The following FRY variants were observed in gnomAD, a reference collection of about 807,000 sequenced individuals.
FRY encodes the protein protein furry homolog.
A neutral mutation model predicts 348.4 loss-of-function variants in FRY; 128 were observed. The ratio of observed to expected loss-of-function variants is 0.37; its 90% CI spans 0.32 to 0.43. FRY has a LOEUF of 0.43. Among genes scored for constraint, FRY ranks in the 20% least tolerant of loss-of-function variants. The pLI is 1.00. For missense variants in FRY, 2,736 were observed against 3,695.2 expected, an observed-to-expected ratio of 0.74 and a Z score of 6.73; for synonymous variants, 1,370 against 1,374.7, an observed-to-expected ratio of 1.00 and a Z score of 0.08.
At position 32,208,998 on chromosome 13, in the gene FRY, C is replaced by A. The variant is rs774456387; in HGVS notation, c.4164C>A (p.Val1388=). The A allele has an allele frequency of 1.4e-5, 23 of 1,614,036 alleles. No homozygotes were observed. The East Asian group carries it at 4.9e-4, about 34-fold the overall frequency. ...GSSPSSPEDE[V]KDREGDVTAS... ...GCCCCAGCAGCCCAGAGGACGAAGT[C>A]AAGGACCGGGAAGGTGACGTGACTG... Residue 1388 remains valine, a synonymous_variant, in exon 32 of 61, where the codon GTC becomes GTA. Transcript: ENST00000542859.
At chr13:32,225,311 G>A (rs1180581210) in intron 38 of FRY, among the ~76,000 whole-genome samples, 1 of 152,208 alleles carries the variant, frequency 6.6e-6, no homozygotes, top group Non-Finnish European at 1.5e-5. Flanking sequence ...CTTTTTGAGA[G>A]TCTTCGGCTG....
In FRY at chr13:32,178,328, G is replaced by T. The variant is rs1593701671; in HGVS notation, c.2573G>T (p.Ser858Ile). 17 of 1,614,062 alleles carry T rather than the reference G, an allele frequency of 1.1e-5. No individual in the cohort carries two copies. Among genetic ancestry groups the T allele is most frequent in the Non-Finnish European group, 1.4e-5 (16 of 1,180,044 alleles). Residue 858 changes from serine to isoleucine, a missense_variant, in exon 21 of 61, where the codon AGC becomes ATC. By Grantham distance (142) the Ser-to-Ile change is moderately radical. Transcript: ENST00000542859. Reference sequence around the variant, plus strand: ...GACCCCTGGGTCCTCTGCCTCTTCAGCTTCCTCCGGCAGGAGAACTTACCC... The same window carrying T: ...GACCCCTGGGTCCTCTGCCTCTTCATCTTCCTCCGGCAGGAGAACTTACCC... Reference protein sequence around the residue: ...VKDPWVLCLFSFLRQENLPKH... With the variant: ...VKDPWVLCLFIFLRQENLPKH...
intron 36 of FRY, among the ~76,000 whole-genome samples, chr13:32,223,413 T>C (rs1006753822): frequency 4.6e-5 from 7 of 152,220 alleles, no homozygotes; most frequent in Non-Finnish European, 8.8e-5. Flanking sequence ...GTAATAACTA[T>C]GCAAGTAGTT....
chr13:32,062,904 C>G (rs914526601), intron 1 of FRY, among the ~76,000 whole-genome samples: 23 of 149,042 alleles, frequency 1.5e-4, no homozygotes, highest in African/African-American at 5.6e-4. Flanking sequence ...TTTTATAATG[C>G]ATATATAATG....
intron 36 of FRY, among the ~76,000 whole-genome samples, chr13:32,223,903 G>C (rs1885446223): frequency 2.0e-5 from 3 of 151,962 alleles, no homozygotes; most frequent in Admixed American, 2.0e-4. Context: ...TATTTTGTGT[G>C]TGTGTGTATT....
intron 2 of FRY, among the ~76,000 whole-genome samples, chr13:32,087,068 C>T (rs1689764420): frequency 6.6e-6 from 1 of 152,168 alleles, no homozygotes; most frequent in South Asian, 2.1e-4. Flanking sequence ...AGAACATGAT[C>T]TAGCTGGTTT....
chr13:32,197,939 T>C (rs1199953145), intron 29 of FRY, among the ~76,000 whole-genome samples: 1 of 152,232 alleles, frequency 6.6e-6, no homozygotes, highest in Non-Finnish European at 1.5e-5. Context: ...CAGCTGTCTT[T>C]ATCTTTTACC....
At chr13:32,207,027 A>G (rs1392334397) in intron 31 of FRY, among the ~76,000 whole-genome samples, 1 of 152,012 alleles carries the variant, frequency 6.6e-6, no homozygotes, top group African/African-American at 2.4e-5. Flanking sequence ...AAAGGGAACT[A>G]CCCTTGACTG....
At chr13:32,053,814 G>C (rs1323529542) in intron 1 of FRY, among the ~76,000 whole-genome samples, 1 of 152,102 alleles carries the variant, frequency 6.6e-6, no homozygotes, top group African/African-American at 2.4e-5. Flanking sequence ...ACAGGTTGTG[G>C]GGATGAGGAT....
chr13:32,057,108 G>T (rs1315399469), intron 1 of FRY, among the ~76,000 whole-genome samples: 5 of 152,104 alleles, frequency 3.3e-5, no homozygotes, highest in Non-Finnish European at 5.9e-5. Flanking sequence ...ATAGAGCGGG[G>T]AGACTATACA....
chr13:32,218,833 T>A lies in FRY; in HGVS notation c.4765+2T>A. 1 of 1,560,722 alleles carries A rather than the reference T, an allele frequency of 6.4e-7. No homozygotes were observed. Among genetic ancestry groups the A allele is most frequent in the Non-Finnish European group, 8.8e-7 (1 of 1,131,472 alleles). On this transcript the variant is annotated splice_donor_variant, in intron 36 of 60. Transcript: ENST00000542859. LOFTEE classifies it high-confidence loss of function. Reference sequence around the variant, plus strand: ...GAGGATCCTACGATGAAGATAAAAGTAAGTACCAACAGGCTGTGGGCTTTC... The same window carrying A: ...GAGGATCCTACGATGAAGATAAAAGAAAGTACCAACAGGCTGTGGGCTTTC...
chr13:32,063,238 C>T (rs1014431607), intron 1 of FRY, among the ~76,000 whole-genome samples: 2 of 152,190 alleles, frequency 1.3e-5, no homozygotes, highest in African/African-American at 2.4e-5. Context: ...TTCAGTGTCC[C>T]TTTATGTTGG....
chr13:32,207,949 T>C (rs897265155), intron 31 of FRY, among the ~76,000 whole-genome samples: 1 of 152,216 alleles, frequency 6.6e-6, no homozygotes, highest in African/African-American at 2.4e-5. Flanking sequence ...ATATGAGAGA[T>C]AGGAGATTAC....
intron 24 of FRY, among the ~76,000 whole-genome samples, chr13:32,183,265 T>C (rs2052331743): frequency 6.6e-6 from 1 of 152,240 alleles, no homozygotes; most frequent in Non-Finnish European, 1.5e-5. Flanking sequence ...CAACTTAAAA[T>C]ACTCATGTTT....
At chr13:32,212,159 G>A (rs1374910688) in intron 34 of FRY, 133 bp from the exon 35 acceptor site, 1 of 666,964 alleles carries the variant, frequency 1.5e-6, no homozygotes, top group Non-Finnish European at 2.7e-6. Context: ...GTCTGAGATT[G>A]TGCAGAAGAT....
chr13:32,095,815 CTT>C (rs905051995), intron 2 of FRY, among the ~76,000 whole-genome samples: 4 of 152,188 alleles, frequency 2.6e-5, no homozygotes, highest in African/African-American at 9.7e-5. Context: ...TTACAGGTCT[CTT>C]TTCTGAAGCA....
At chr13:32,095,309 G>T (rs1876614958) in intron 2 of FRY, among the ~76,000 whole-genome samples, 2 of 96,074 alleles carry the variant, frequency 2.1e-5, no homozygotes, top group Non-Finnish European at 4.4e-5. Context: ...TCTTCACTTT[G>T]TTGATTGTTT....
At chr13:32,273,062 T>A (rs1315442007) in intron 55 of FRY, among the ~76,000 whole-genome samples, 1 of 151,896 alleles carries the variant, frequency 6.6e-6, no homozygotes, top group Non-Finnish European at 1.5e-5. Context: ...TCTTCTTAAT[T>A]GTGTTTTTTG....
Position 32,160,653 on chromosome 13 carries a change from A to T in FRY, c.1785-491A>T, listed in dbSNP as rs867394719. On this transcript the variant is annotated intron_variant, in intron 16 of 60. Coordinates refer to ENST00000542859, the MANE Select transcript of FRY (RefSeq NM_023037.3). ...TTCAGAATTTTACTTATTTTGAAAG[A>T]TTTATTTTGGAAGCACTTAAATTTT... Among the ~76,000 whole-genome samples the T allele has an allele frequency of 2.6e-5, 4 of 152,164 alleles. No individual in the cohort carries two copies. In the South Asian group the frequency reaches 6.2e-4, roughly 24 times the overall value.
Sources: gnomAD v4.1 joint callset for allele counts (sites outside exome capture counted in the v4.1 genomes callset) on GRCh38, gnomAD v4.1.1 for gene constraint, MANE v1.5 for transcripts, NCBI Gene and HGNC (gene_info 2026-07-23, HGNC 2026-07-21) for gene names.